The following LRRTM3 variants were observed in gnomAD, a reference collection of about 807,000 sequenced individuals.
LRRTM3 encodes leucine-rich repeat transmembrane neuronal protein 3.
LRRTM3 carries 24 observed loss-of-function variants against 44.7 expected under a neutral mutation model. That is an observed-to-expected ratio of 0.54 (90% CI 0.39 to 0.76). The LOEUF is 0.76. Ranked by LOEUF, LRRTM3 falls within the 30% of genes least tolerant of loss-of-function variation. The pLI, the probability that LRRTM3 is intolerant of heterozygous loss-of-function variation, is 0.00. For synonymous variants in LRRTM3, 277 were observed against 278.7 expected, an observed-to-expected ratio of 0.99 and a Z score of 0.06; for missense variants, 587 against 702.2, an observed-to-expected ratio of 0.84 and a Z score of 1.85.
chr10:67,015,809 G>A (rs1007224538), intron 2 of LRRTM3, among the ~76,000 whole-genome samples: 10 of 151,442 alleles, frequency 6.6e-5, no homozygotes, highest in African/African-American at 9.7e-5. Flanking sequence ...CCTGTCTTCC[G>A]TATCTTTCTT....
At chr10:67,060,670 C>G (rs901024051) in intron 2 of LRRTM3, among the ~76,000 whole-genome samples, 3 of 151,140 alleles carry the variant, frequency 2.0e-5, no homozygotes, top group Non-Finnish European at 4.4e-5. Context: ...GTTCCTGTCT[C>G]TCTCTCTCTC....
At chr10:66,968,709 T>C (rs1457611924) in intron 2 of LRRTM3, among the ~76,000 whole-genome samples, 2 of 152,040 alleles carry the variant, frequency 1.3e-5, no homozygotes, top group Non-Finnish European at 2.9e-5. Flanking sequence ...ACATTTTTAA[T>C]AGGTTAAATT....
At chr10:67,003,799 T>C (rs935189421) in intron 2 of LRRTM3, among the ~76,000 whole-genome samples, 2 of 152,186 alleles carry the variant, frequency 1.3e-5, no homozygotes, top group Non-Finnish European at 2.9e-5. Context: ...AGGTTAATTT[T>C]GTTAATAGAT....
chr10:67,075,688 A>G (rs2131862410), intron 2 of LRRTM3, among the ~76,000 whole-genome samples: 1 of 152,342 alleles, frequency 6.6e-6, no homozygotes, highest in Admixed American at 6.5e-5. Flanking sequence ...AGTGCCCACT[A>G]CTATTAATTG....
At chr10:67,016,148 T>A (rs1387324575) in intron 2 of LRRTM3, among the ~76,000 whole-genome samples, 1 of 152,116 alleles carries the variant, frequency 6.6e-6, no homozygotes. Context: ...AAACAGAAAA[T>A]GGTAGTTTTA....
At chr10:67,042,394 A>T (rs1391267934) in intron 2 of LRRTM3, among the ~76,000 whole-genome samples, 1 of 152,136 alleles carries the variant, frequency 6.6e-6, no homozygotes, top group African/African-American at 2.4e-5. Flanking sequence ...TAAGCAGTTG[A>T]ATAATTATAT....
intron 2 of LRRTM3, among the ~76,000 whole-genome samples, chr10:66,950,374 C>A (rs959901547): frequency 2.0e-5 from 3 of 151,428 alleles, no homozygotes; most frequent in African/African-American, 7.3e-5. Context: ...TTTTTTGTAT[C>A]CTAAACATGC....
At chr10:67,093,749 C>T (rs981939483) in intron 2 of LRRTM3, among the ~76,000 whole-genome samples, 1 of 151,906 alleles carries the variant, frequency 6.6e-6, no homozygotes, top group Non-Finnish European at 1.5e-5. Context: ...GTGAAAAATA[C>T]CATATGCAGA....
intron 2 of LRRTM3, among the ~76,000 whole-genome samples, chr10:66,954,176 A>C (rs1848677806): frequency 6.6e-6 from 1 of 152,178 alleles, no homozygotes; most frequent in African/African-American, 2.4e-5. Flanking sequence ...TCTAGTATGA[A>C]ATTTGAAATA....
At chr10:67,082,924 C>A (rs1491001919) in intron 2 of LRRTM3, among the ~76,000 whole-genome samples, 3 of 152,108 alleles carry the variant, frequency 2.0e-5, no homozygotes, top group African/African-American at 7.2e-5. Context: ...ATATTAACTA[C>A]ATCAATGAAA....
intron 2 of LRRTM3, chr10:67,012,318 C>T (rs918333416): frequency 6.6e-6 from 1 of 152,198 alleles, no homozygotes; most frequent in Non-Finnish European, 1.5e-5. Flanking sequence ...AATGCCACCA[C>T]CTCGGTGCCA....
chr10:66,927,212 A>G lies in LRRTM3; in HGVS notation c.296A>G (p.Asn99Ser), dbSNP rs751097102. Reference protein sequence around the residue: ...WLYLDHNHISNIDENAFNGIR... With the variant: ...WLYLDHNHISSIDENAFNGIR... ...TACCTTGACCATAACCATATCAGCA[A>G]TATTGACGAAAATGCTTTTAATGGA... The change falls in exon 2 of 3, where the codon AAT (asparagine) becomes AGT (serine). Residue 99 changes from asparagine to serine, a missense_variant. Around this residue, in one of 3 missense-constraint regions of LRRTM3, gnomAD observed 222 missense variants for 323.3 expected, o/e 0.69. Transcript: ENST00000361320. The surrounding 1 kb of genome is among the most constrained non-coding windows in gnomAD (Gnocchi z 4.7). 3 of 1,614,218 alleles carry G rather than the reference A, an allele frequency of 1.9e-6. No individual in the cohort carries two copies. Among genetic ancestry groups the G allele is most frequent in the Non-Finnish European group, 2.5e-6 (3 of 1,180,036 alleles).
At chr10:67,031,246 T>C (rs1853708327) in intron 2 of LRRTM3, among the ~76,000 whole-genome samples, 1 of 152,166 alleles carries the variant, frequency 6.6e-6, no homozygotes, top group Non-Finnish European at 1.5e-5. Flanking sequence ...GGTCCTTTCC[T>C]AGTAAAACTG....
chr10:67,092,083 G>C (rs531986838), intron 2 of LRRTM3, among the ~76,000 whole-genome samples: 1 of 103,118 alleles, frequency 9.7e-6, no homozygotes, highest in African/African-American at 5.4e-5. Flanking sequence ...CATTTCGATA[G>C]TGACAAGGAC....
intron 2 of LRRTM3, among the ~76,000 whole-genome samples, chr10:67,096,967 A>T (rs984416460): frequency 6.6e-6 from 1 of 151,954 alleles, no homozygotes; most frequent in Non-Finnish European, 1.5e-5. Context: ...GTCATGGGTA[A>T]GAATAGCCAG....
At chr10:67,031,098 A>G (rs1411040810) in intron 2 of LRRTM3, among the ~76,000 whole-genome samples, 2 of 152,226 alleles carry the variant, frequency 1.3e-5, no homozygotes, top group Non-Finnish European at 2.9e-5. Context: ...CTGTTTTCAC[A>G]TGTTTGTAAA....
chr10:66,946,372 T>C (rs1468171878), intron 2 of LRRTM3, among the ~76,000 whole-genome samples: 1 of 152,182 alleles, frequency 6.6e-6, no homozygotes, highest in Non-Finnish European at 1.5e-5. Context: ...GAGACATTTG[T>C]ATAGTTTAAA....
At chr10:66,982,208 C>T (rs1354442639) in intron 2 of LRRTM3, among the ~76,000 whole-genome samples, 1 of 152,082 alleles carries the variant, frequency 6.6e-6, no homozygotes, top group Non-Finnish European at 1.5e-5. Context: ...GAGAATGAGC[C>T]CCTTTAAGGG....
At chr10:66,970,015 G>A (rs1359770813) in intron 2 of LRRTM3, among the ~76,000 whole-genome samples, 1 of 152,072 alleles carries the variant, frequency 6.6e-6, no homozygotes. Flanking sequence ...TATAAGGCTA[G>A]AATTGACTTG....
Sources: allele counts gnomAD v4.1 joint callset (sites outside exome capture counted in the v4.1 genomes callset), GRCh38; gene constraint gnomAD v4.1.1; regional missense constraint gnomAD v4.1.1; non-coding constraint Gnocchi (gnomAD v3.1); transcripts MANE v1.5; gene names NCBI Gene and HGNC (gene_info 2026-07-23, HGNC 2026-07-21).